PMPCA: variants seen among roughly 807,000 people sequenced by gnomAD.
PMPCA encodes the protein mitochondrial-processing peptidase subunit alpha.
Under a neutral mutation model 59.3 loss-of-function variants are expected in PMPCA, and 47 were observed. That is an observed-to-expected ratio of 0.79 (90% CI 0.63 to 1.01). PMPCA has a LOEUF of 1.01. Among genes scored for constraint, PMPCA ranks in the 50% least tolerant of loss-of-function variants. The probability of loss-of-function intolerance (pLI) is 0.00; values close to 1 mark genes in which losing one functional copy is unlikely to be tolerated. For synonymous variants in PMPCA, 338 were observed against 290.3 expected (o/e 1.16, Z -1.67); for missense variants, 726 against 704.5 (o/e 1.03, Z -0.34).
rs1430712591 is a variant in PMPCA, at chr9:136,412,125, C to A, written c.200C>A (p.Thr67Asn). ...GTTGATGGACAGGAAAAGTTTGAAA[C>A]CAAAGTAACCACATTGGATAATGGG... ...ATVDGQEKFE[T>N]KVTTLDNGLR... Residue 67 changes from threonine (T) to asparagine (N), a missense_variant, in exon 2 of 13, where the codon ACC (threonine) becomes AAC (asparagine). Thr to Asn is a moderately conservative substitution (Grantham distance 65). Transcript: ENST00000371717. The A allele has an allele frequency of 2.5e-6, 4 of 1,614,030 alleles. No individual in the cohort carries two copies. The highest frequency in any genetic ancestry group is 3.4e-6 in the Non-Finnish European group (4 of 1,179,936).
chr9:136,414,677 T>G (rs1588810845), intron 5 of PMPCA, 30 bp downstream of exon 5: 1 of 1,442,704 alleles, frequency 6.9e-7, no homozygotes, highest in Non-Finnish European at 9.8e-7. Flanking sequence ...GCGTTTGAGG[T>G]GGGCTTGGAC....
At chr9:136,416,438 C>T (rs1297911450) in intron 6 of PMPCA, 47 bp downstream of exon 6, 3 of 1,312,546 alleles carry the variant, frequency 2.3e-6, no homozygotes, top group Admixed American at 1.7e-5. Context: ...AACAGTGGTC[C>T]TCGGGACACC....
chr9:136,412,401 A>C (rs758991221), intron 2 of PMPCA, 89 bp from the exon 3 acceptor site: 91 of 779,592 alleles, frequency 1.2e-4, no homozygotes, highest in Non-Finnish European at 1.9e-4. Context: ...TCTGATTATC[A>C]TGTCATATTG....
At chr9:136,415,436 C>T (rs944776037) in intron 5 of PMPCA, among the ~76,000 whole-genome samples, 6 of 152,206 alleles carry the variant, frequency 3.9e-5, no homozygotes, top group African/African-American at 9.7e-5. Context: ...TCACTGTTTC[C>T]ATTACCCTCC....
intron 12 of PMPCA, chr9:136,422,327 G>GTCCTCTAC: frequency 8.4e-7 from 1 of 1,193,532 alleles, no homozygotes; most frequent in South Asian, 1.7e-5. Flanking sequence ...TGGAGTAGCA[G>GTCCTCTAC]TGGCTCGGAA....
intron 6 of PMPCA, 118 bp from the exon 7 acceptor site, chr9:136,416,833 T>C (rs1349726177): frequency 1.1e-6 from 1 of 887,778 alleles, no homozygotes; most frequent in African/African-American, 1.7e-5. Flanking sequence ...GCAAGTAAAA[T>C]ATCAGCTTGC....
In PMPCA at chr9:136,423,588, G is replaced by C; in HGVS notation, c.*324G>C. On this transcript the variant is annotated 3_prime_UTR_variant, in exon 13 of 13. Transcript: ENST00000371717. ...CCCGCAGGTTCCTTGGAGGAGCCCT[G>C]AGCTGGGAGGCAGCAAAGGCTGACC... The C allele has an allele frequency of 3.3e-6, 1 of 307,480 alleles. No individual in the cohort carries two copies. The highest frequency in any genetic ancestry group is 6.2e-6 in the Non-Finnish European group (1 of 160,156). The allele number at this position is 307,480 out of a possible 1,614,324, so 19.0% of individuals were successfully genotyped here.
chr9:136,418,179 G>T (rs539644375), intron 8 of PMPCA, 70 bp downstream of exon 8: 2 of 1,125,240 alleles, frequency 1.8e-6, no homozygotes, highest in African/African-American at 3.0e-5. Context: ...CCTGCCCTCT[G>T]TCCCTGGCAT....
intron 4 of PMPCA, among the ~76,000 whole-genome samples, chr9:136,414,229 G>A (rs911254064): frequency 2.0e-5 from 3 of 152,244 alleles, no homozygotes; most frequent in Non-Finnish European, 2.9e-5. Context: ...GACTCAAGCT[G>A]TGTGTAGCTG....
intron 1 of PMPCA, 83 bp from the exon 2 acceptor site, chr9:136,411,914 A>G: frequency 1.2e-6 from 1 of 802,626 alleles, no homozygotes. Context: ...AACCCAGACA[A>G]AACATAACTA....
At position 136,412,197 on chromosome 9, in the gene PMPCA, GAAGT is replaced by G; in HGVS notation, c.274+4_274+7del. 1 of 1,605,822 alleles carries G rather than the reference GAAGT, an allele frequency of 6.2e-7. No individual in the cohort carries two copies. ...AAGTTTGGACAGTTTTGTACAGTAG[GAAGT>G]AAGTACTGTTGTGTTGTCGTGGGTG... On this transcript the variant is annotated splice_donor_variant and coding_sequence_variant, in exon 2 of 13. Coordinates refer to ENST00000371717, the MANE Select transcript of PMPCA (RefSeq NM_015160.3). LOFTEE classifies it high-confidence loss of function.
In PMPCA at chr9:136,420,872, A is replaced by G. The variant is rs528821287; in HGVS notation, c.1264-960A>G. On this transcript the variant is annotated intron_variant, in intron 11 of 12. Transcript: ENST00000371717. Reference sequence around the variant, plus strand: ...TTTGGGAGACCAAGGTGGGAGGATCACTTGAGCCCAGGAGTTCAAGACTGA... The same window carrying G: ...TTTGGGAGACCAAGGTGGGAGGATCGCTTGAGCCCAGGAGTTCAAGACTGA... The G allele has an allele frequency of 2.0e-5, 3 of 152,178 alleles. No individual in the cohort carries two copies. In the East Asian group the frequency reaches 5.8e-4, roughly 29 times the overall value. The allele number at this position is 152,178 out of a possible 1,614,324, so 9.4% of individuals were successfully genotyped here.
At position 136,423,272 on chromosome 9, in the gene PMPCA, C is replaced by T. The variant is rs1343826276; in HGVS notation, c.*8C>T. 5.6e-6 allele frequency: 9 copies of T among 1,607,006 alleles called. No homozygotes were observed. Among genetic ancestry groups the T allele is most frequent in the Non-Finnish European group, 7.7e-6 (9 of 1,176,456 alleles). ...TACCGGCTCTTCCGGTAGAACCGCT[C>T]CCCGGCCTGACAGACCCAGGGAGCT... On this transcript the variant is annotated 3_prime_UTR_variant, in exon 13 of 13. Coordinates refer to ENST00000371717, the MANE Select transcript of PMPCA (RefSeq NM_015160.3).
intron 6 of PMPCA, 77 bp from the exon 7 acceptor site, chr9:136,416,874 G>A: frequency 1.4e-6 from 2 of 1,409,066 alleles, no homozygotes; most frequent in Non-Finnish European, 1.9e-6. Context: ...GCTGCAGATG[G>A]GCGCTGGTGC....
In PMPCA at chr9:136,412,809, G is replaced by C. The variant is rs1564419058; in HGVS notation, c.355-1G>C. ...TAGGTTTCCTTATTTATTTTTACTAGTCTACTGCTCGATTTGACAGCAAAG... is the reference window on the plus strand; with the variant it reads ...TAGGTTTCCTTATTTATTTTTACTACTCTACTGCTCGATTTGACAGCAAAG... On this transcript the variant is annotated splice_acceptor_variant, in intron 3 of 12. Coordinates refer to ENST00000371717, the MANE Select transcript of PMPCA (RefSeq NM_015160.3). LOFTEE classifies it high-confidence loss of function. The C allele has an allele frequency of 1.3e-6, 2 of 1,575,520 alleles. No homozygotes were observed. Among genetic ancestry groups the C allele is most frequent in the Non-Finnish European group, 1.7e-6 (2 of 1,145,106 alleles).
At chr9:136,413,107 G>A (rs1835181025) in intron 4 of PMPCA, 3 of 520,316 alleles carry the variant, frequency 5.8e-6, no homozygotes, top group Non-Finnish European at 1.0e-5. Context: ...CCTCCAGGCT[G>A]TTGGCTGCAT....
chr9:136,412,693 T>C (rs1478255849), intron 3 of PMPCA, 117 bp from the exon 4 acceptor site: 7 of 813,630 alleles, frequency 8.6e-6, no homozygotes, highest in African/African-American at 3.5e-5. Flanking sequence ...AAAAGACTTT[T>C]AAGTTAAAAG....
rs148017285 is a variant in PMPCA at position 136,419,097 on chromosome 9, C to A, written c.1254C>A (p.Thr418=). 1.6e-4 allele frequency: 251 copies of A among 1,613,390 alleles called. 1 individual carries two copies. Among genetic ancestry groups the A allele is most frequent in the African/African-American group, 9.9e-4 (74 of 75,052 alleles). The change falls in exon 11 of 13, where the codon ACC becomes ACA. Residue 418 remains threonine, a synonymous_variant. Coordinates refer to ENST00000371717, the MANE Select transcript of PMPCA (RefSeq NM_015160.3). ...AGGAGTTTATTTTAATGGGCGGAACCGTGGACACGGTAAGTGCAGTGTGGC... is the reference window on the plus strand; with the variant it reads ...AGGAGTTTATTTTAATGGGCGGAACAGTGGACACGGTAAGTGCAGTGTGGC... ...ITKEFILMGG[T]VDTVELERAK...
At chr9:136,414,515 T>C in intron 4 of PMPCA, 38 bp from the exon 5 acceptor site, 1 of 1,382,350 alleles carries the variant, frequency 7.2e-7, no homozygotes, top group Middle Eastern at 2.0e-4. Flanking sequence ...AGAGTGTGAG[T>C]TCAGGGCCTG....
Sources: gnomAD v4.1 joint callset for allele counts (sites outside exome capture counted in the v4.1 genomes callset) on GRCh38, gnomAD v4.1.1 for gene constraint, MANE v1.5 for transcripts, NCBI Gene and HGNC (gene_info 2026-07-23, HGNC 2026-07-21) for gene names.